The following PIK3C2G variants were observed in gnomAD, a reference collection of about 807,000 sequenced individuals.
The protein encoded by PIK3C2G is phosphatidylinositol 3-kinase C2 domain-containing subunit gamma.
In PIK3C2G, 168 loss-of-function variants were observed where a neutral mutation model predicts 181.1. The observed-to-expected ratio is 0.93, with a 90% CI of 0.82 to 1.05. The LOEUF (loss-of-function observed/expected upper bound fraction) is 1.05. Ranked by LOEUF, PIK3C2G falls within the 50% of genes least tolerant of loss-of-function variation. The pLI, the probability that PIK3C2G is intolerant of heterozygous loss-of-function variation, is 0.00. For missense variants in PIK3C2G, 1,869 were observed against 1,732.8 expected, an observed-to-expected ratio of 1.08 and a Z score of -1.40; for synonymous variants, 573 against 592.2, an observed-to-expected ratio of 0.97 and a Z score of 0.47.
Position 18,622,495 on chromosome 12 carries a change from G to A in PIK3C2G, c.4182+12866G>A, listed in dbSNP as rs115768352. Among the ~76,000 whole-genome samples the A allele has an allele frequency of 3.6e-3, 554 of 151,942 alleles. 1 individual carries two copies. Among genetic ancestry groups the A allele is most frequent in the African/African-American group, 0.013 (541 of 41,500 alleles). ...GGGTTGATTTCATAATATAGCTATT[G>A]TGAATAGTGCTGCAATAAATATGGC... On this transcript the variant is annotated intron_variant, in intron 31 of 32. Transcript: ENST00000538779.
chr12:18,618,709 GA>G (rs1470603057), intron 31 of PIK3C2G, among the ~76,000 whole-genome samples: 1 of 151,910 alleles, frequency 6.6e-6, no homozygotes, highest in Non-Finnish European at 1.5e-5. Flanking sequence ...CATGAGGTAA[GA>G]AAAAAACACA....
chr12:18,712,891 T>C, the PIK3C2G span: 1 of 1,613,970 alleles, frequency 6.2e-7, no homozygotes, highest in Non-Finnish European at 8.5e-7. Context: ...AAACAGAAGT[T>C]TGCTTGTGAG....
At chr12:18,594,995 T>C (rs1180170904) in intron 30 of PIK3C2G, among the ~76,000 whole-genome samples, 1 of 152,104 alleles carries the variant, frequency 6.6e-6, no homozygotes, top group East Asian at 1.9e-4. Context: ...TTTTTTTATT[T>C]CTTACATCAT....
chr12:18,598,130 C>G (rs1947480801), intron 30 of PIK3C2G, among the ~76,000 whole-genome samples: 1 of 152,068 alleles, frequency 6.6e-6, no homozygotes, highest in Admixed American at 6.6e-5. Flanking sequence ...ACTTTCTTCA[C>G]AGAATTGGAA....
intron 24 of PIK3C2G, among the ~76,000 whole-genome samples, chr12:18,532,110 T>C (rs116822524): frequency 6.6e-6 from 1 of 152,052 alleles, no homozygotes; most frequent in Admixed American, 6.6e-5. Context: ...TGGGTTTAAG[T>C]TGCATTTTCC....
At chr12:18,290,151 TCTTTA>T (rs1283317892) in intron 3 of PIK3C2G, among the ~76,000 whole-genome samples, 33 of 152,186 alleles carry the variant, frequency 2.2e-4, no homozygotes, top group Non-Finnish European at 2.9e-5. Context: ...GCTATTAATA[TCTTTA>T]CTTGTTCAAA....
intron 18 of PIK3C2G, among the ~76,000 whole-genome samples, chr12:18,448,423 C>T (rs186079044): frequency 1.3e-5 from 2 of 152,214 alleles, no homozygotes; most frequent in African/African-American, 2.4e-5. Context: ...TTAAAATCTA[C>T]GTGTTTAAAA....
chr12:18,431,648 G>A (rs989235342), intron 18 of PIK3C2G, among the ~76,000 whole-genome samples: 3 of 152,188 alleles, frequency 2.0e-5, no homozygotes, highest in African/African-American at 7.2e-5. Flanking sequence ...AGGTCTTGCA[G>A]AGCAATACAG....
At chr12:18,393,823 G>A (rs570405802) in intron 15 of PIK3C2G, among the ~76,000 whole-genome samples, 5 of 152,214 alleles carry the variant, frequency 3.3e-5, no homozygotes, top group East Asian at 1.9e-4. Context: ...CATGACTTGC[G>A]AAGGTAGAAT....
At chr12:18,664,916 C>A in the PIK3C2G span, among the ~76,000 whole-genome samples, 36 of 146,346 alleles carry the variant, frequency 2.5e-4, no homozygotes, top group Non-Finnish European at 4.0e-4. Context: ...GACAAAAAAC[C>A]AAATACTGCA....
intron 18 of PIK3C2G, among the ~76,000 whole-genome samples, chr12:18,429,097 G>A (rs1303257436): frequency 6.6e-6 from 1 of 152,146 alleles, no homozygotes; most frequent in East Asian, 1.9e-4. Context: ...CTTGAGATTA[G>A]TTCCCCCTGG....
intron 28 of PIK3C2G, among the ~76,000 whole-genome samples, chr12:18,565,697 C>T (rs538919932): frequency 5.8e-4 from 89 of 152,204 alleles, no homozygotes; most frequent in African/African-American, 2.1e-3. Context: ...AATTAAATGA[C>T]AGTATTATAG....
rs758340381 is a variant in PIK3C2G, at chr12:18,293,910, T to G, written c.929T>G (p.Leu310Arg). ...PLHFMPCANY[L>R]VKDLIAEILH... ...TCCTCTTTTTCTTTAGCTAATTATC[T>G]TGTCAAAGATCTAATTGCAGAAATT... Residue 310 changes from leucine (L) to arginine (R), a missense_variant, in exon 5 of 33, where the codon CTT (leucine) becomes CGT (arginine). Physicochemically the swap from Leu to Arg is moderately radical, Grantham distance 102. Transcript: ENST00000538779. 5 of 1,492,552 alleles carry G rather than the reference T, an allele frequency of 3.3e-6. No individual in the cohort carries two copies. The South Asian group carries it at 5.7e-5, about 17-fold the overall frequency. 92.5% of individuals were successfully genotyped at this position (1,492,552 alleles called of 1,614,324 possible). A position where few individuals can be genotyped will look rare whatever the true frequency, so the allele number is the denominator to read the frequency against.
chr12:18,258,920 G>A (rs1000082811), upstream of PIK3C2G, among the ~76,000 whole-genome samples: 5 of 152,052 alleles, frequency 3.3e-5, no homozygotes, highest in Admixed American at 3.3e-4. Context: ...GAATGAATAA[G>A]CAATTTACTT....
chr12:18,366,180 T>A (rs549345105), intron 12 of PIK3C2G, among the ~76,000 whole-genome samples: 1 of 152,218 alleles, frequency 6.6e-6, no homozygotes, highest in African/African-American at 2.4e-5. Flanking sequence ...AGTGAAAAGA[T>A]AAAATACTTG....
chr12:18,587,363 G>A (rs988595227), intron 29 of PIK3C2G, among the ~76,000 whole-genome samples: 1 of 151,896 alleles, frequency 6.6e-6, no homozygotes, highest in Non-Finnish European at 1.5e-5. Context: ...GCAAAGTTTT[G>A]GGATACAAAT....
At chr12:18,669,974 C>T in the PIK3C2G span, among the ~76,000 whole-genome samples, 58,737 of 151,868 alleles carry the variant, frequency 0.39, 14,116 homozygotes, top group South Asian at 0.59. Flanking sequence ...GGCCCTCTTC[C>T]TCTTCTTATA....
At chr12:18,631,448 T>C (rs1017940873) in intron 31 of PIK3C2G, among the ~76,000 whole-genome samples, 1 of 152,290 alleles carries the variant, frequency 6.6e-6, no homozygotes, top group East Asian at 1.9e-4. Flanking sequence ...GGGAAAAGGC[T>C]CTATACAAAT....
intron 15 of PIK3C2G, among the ~76,000 whole-genome samples, chr12:18,396,998 C>A (rs906561990): frequency 2.0e-5 from 3 of 151,790 alleles, no homozygotes; most frequent in Non-Finnish European, 1.5e-5. Context: ...AGTCTCACTT[C>A]ATAACTTGTA....
Sources: allele counts gnomAD v4.1 joint callset (sites outside exome capture counted in the v4.1 genomes callset), GRCh38; gene constraint gnomAD v4.1.1; transcripts MANE v1.5; gene names NCBI Gene and HGNC (gene_info 2026-07-23, HGNC 2026-07-21).